ANGPT1: variants seen among roughly 807,000 people sequenced by gnomAD.
ANGPT1 encodes the protein angiopoietin-1.
ANGPT1 carries 17 observed loss-of-function variants against 62.2 expected under a neutral mutation model. The observed-to-expected ratio is 0.27, with a 90% CI of 0.19 to 0.41. ANGPT1 has a LOEUF of 0.41. Among genes scored for constraint, ANGPT1 ranks in the 10% least tolerant of loss-of-function variants. The pLI, the probability that ANGPT1 is intolerant of heterozygous loss-of-function variation, is 1.00. For missense variants in ANGPT1, 478 were observed against 594.9 expected, an observed-to-expected ratio of 0.80 and a Z score of 2.04; for synonymous variants, 199 against 198.9, an observed-to-expected ratio of 1.00 and a Z score of 0.00.
intron 1 of ANGPT1, among the ~76,000 whole-genome samples, chr8:107,427,134 G>A (rs13263947): frequency 0.09 from 13,731 of 152,182 alleles, 1,037 homozygotes; most frequent in East Asian, 0.44. Context: ...CACTTAGCCT[G>A]GGATATAGTG....
chr8:107,320,517 T>G (rs979889786), intron 4 of ANGPT1, among the ~76,000 whole-genome samples: 15 of 152,124 alleles, frequency 9.9e-5, no homozygotes, highest in Non-Finnish European at 1.6e-4. Flanking sequence ...ACTTAATCGT[T>G]AAATACTCAT....
At chr8:107,361,418 T>C (rs548677288) in intron 1 of ANGPT1, among the ~76,000 whole-genome samples, 146 of 149,030 alleles carry the variant, frequency 9.8e-4, no homozygotes, top group African/African-American at 3.5e-3. Context: ...TTGTATAGAA[T>C]CTTAAATTGG....
At chr8:107,252,360 A>C (rs574663661) in intron 8 of ANGPT1, among the ~76,000 whole-genome samples, 1 of 152,332 alleles carries the variant, frequency 6.6e-6, no homozygotes, top group Non-Finnish European at 1.5e-5. Context: ...AAATGCAATA[A>C]GGAAAATGCA....
At position 107,457,825 on chromosome 8, in the gene ANGPT1, TACACACAC is replaced by T. The variant is rs148742634; in HGVS notation, c.297+39429_297+39436del. Among the ~76,000 whole-genome samples the T allele has an allele frequency of 3.5e-3, 290 of 81,746 alleles. 1 individual carries two copies. The Middle Eastern group carries it at 0.047, about 13-fold the overall frequency. 53.6% of individuals were successfully genotyped at this position (81,746 alleles called of 152,430 possible). A position where few individuals can be genotyped will look rare whatever the true frequency, so the allele number is the denominator to read the frequency against. On this transcript the variant is annotated intron_variant, in intron 1 of 8. Coordinates refer to ENST00000517746, the MANE Select transcript of ANGPT1 (RefSeq NM_001146.5). ...TCACACTCACCCCACACATACCCAC[TACACACAC>T]ACACACACACACACACACACACACA...
intron 1 of ANGPT1, among the ~76,000 whole-genome samples, chr8:107,457,253 A>C (rs1208800562): frequency 1.3e-5 from 2 of 152,112 alleles, no homozygotes; most frequent in African/African-American, 2.4e-5. Context: ...TGCTCCCAAT[A>C]ATCTAATGTA....
chr8:107,328,691 C>T (rs542400443), intron 3 of ANGPT1, among the ~76,000 whole-genome samples: 14 of 151,806 alleles, frequency 9.2e-5, no homozygotes, highest in African/African-American at 3.4e-4. Flanking sequence ...AAAAAGAAAT[C>T]TAGTCACAGA....
intron 1 of ANGPT1, among the ~76,000 whole-genome samples, chr8:107,474,983 C>G (rs942728701): frequency 6.6e-5 from 10 of 152,146 alleles, no homozygotes; most frequent in Admixed American, 5.2e-4. Flanking sequence ...TAGGAAGAAT[C>G]AATATTGTGA....
chr8:107,417,420 G>C (rs1354871216), intron 1 of ANGPT1, among the ~76,000 whole-genome samples: 1 of 152,126 alleles, frequency 6.6e-6, no homozygotes, highest in Non-Finnish European at 1.5e-5. Flanking sequence ...GGAACTCTGA[G>C]ACAAGTGAGA....
chr8:107,380,005 C>T (rs756915090), intron 1 of ANGPT1, among the ~76,000 whole-genome samples: 26 of 152,112 alleles, frequency 1.7e-4, no homozygotes, highest in African/African-American at 2.6e-4. Flanking sequence ...TCTAAGAAAG[C>T]GCGCACACAT....
intron 7 of ANGPT1, among the ~76,000 whole-genome samples, chr8:107,270,644 C>G (rs1479091099): frequency 2.0e-5 from 3 of 151,974 alleles, no homozygotes; most frequent in African/African-American, 7.2e-5. Flanking sequence ...TTTTTCACAT[C>G]CTGGAGATAT....
intron 1 of ANGPT1, among the ~76,000 whole-genome samples, chr8:107,482,773 G>A (rs1812721995): frequency 6.6e-6 from 1 of 152,056 alleles, no homozygotes; most frequent in South Asian, 2.1e-4. Flanking sequence ...GGTGTGTTTT[G>A]TTCTAACTTT....
At chr8:107,409,482 T>A (rs1250478232) in intron 1 of ANGPT1, among the ~76,000 whole-genome samples, 1 of 152,116 alleles carries the variant, frequency 6.6e-6, no homozygotes, top group Non-Finnish European at 1.5e-5. Context: ...GTGGCTCTGT[T>A]CTAGTCTGTT....
At chr8:107,393,580 C>T (rs1055546581) in intron 1 of ANGPT1, among the ~76,000 whole-genome samples, 11 of 152,146 alleles carry the variant, frequency 7.2e-5, no homozygotes, top group Admixed American at 1.3e-4. Flanking sequence ...GAGGTGGAGG[C>T]CAGTGGATCA....
chr8:107,457,845 CA>C (rs1267013773), intron 1 of ANGPT1, among the ~76,000 whole-genome samples: 8 of 149,498 alleles, frequency 5.4e-5, no homozygotes, highest in African/African-American at 2.0e-4. Flanking sequence ...CACACACACA[CA>C]CACACACACA....
intron 1 of ANGPT1, among the ~76,000 whole-genome samples, chr8:107,443,309 C>T (rs544711240): frequency 2.0e-5 from 3 of 152,074 alleles, no homozygotes; most frequent in South Asian, 2.1e-4. Context: ...AGATTGTGAC[C>T]GGAATTTAGG....
At chr8:107,396,187 C>G (rs76535489) in intron 1 of ANGPT1, among the ~76,000 whole-genome samples, 459 of 152,212 alleles carry the variant, frequency 3.0e-3, no homozygotes, top group Non-Finnish European at 5.6e-3. Context: ...GGTAACATGA[C>G]AAGAAAATTA....
At chr8:107,399,541 A>C (rs1019913063) in intron 1 of ANGPT1, among the ~76,000 whole-genome samples, 2 of 152,156 alleles carry the variant, frequency 1.3e-5, no homozygotes, top group Non-Finnish European at 2.9e-5. Context: ...ATCATTTAAA[A>C]TATAGGTGAT....
intron 1 of ANGPT1, among the ~76,000 whole-genome samples, chr8:107,416,655 T>C (rs7817453): frequency 0.042 from 6,460 of 152,196 alleles, 489 homozygotes; most frequent in African/African-American, 0.15. Flanking sequence ...CTAATACTAA[T>C]AGACTGAGAG....
At chr8:107,445,812 G>A (rs1317406396) in intron 1 of ANGPT1, among the ~76,000 whole-genome samples, 1 of 152,062 alleles carries the variant, frequency 6.6e-6, no homozygotes, top group Non-Finnish European at 1.5e-5. Context: ...AGCCACAGAT[G>A]AGAAACCACA....
Sources: allele counts gnomAD v4.1 joint callset (sites outside exome capture counted in the v4.1 genomes callset), GRCh38; gene constraint gnomAD v4.1.1; transcripts MANE v1.5; gene names NCBI Gene and HGNC (gene_info 2026-07-23, HGNC 2026-07-21).